Variants in CYP7A1 observed in about 807,000 individuals in gnomAD.
The protein encoded by CYP7A1 is cytochrome P450 family 7 subfamily A member 1.
CYP7A1 carries 28 observed loss-of-function variants against 43.8 expected under a neutral mutation model. The observed-to-expected ratio is 0.64, with a 90% CI of 0.47 to 0.88. CYP7A1 has a LOEUF of 0.88. Among genes scored for constraint, CYP7A1 ranks in the 40% least tolerant of loss-of-function variants. The pLI, the probability that CYP7A1 is intolerant of heterozygous loss-of-function variation, is 0.00. For missense variants in CYP7A1, 637 were observed against 611.9 expected, an observed-to-expected ratio of 1.04 and a Z score of -0.43; for synonymous variants, 227 against 222.5, an observed-to-expected ratio of 1.02 and a Z score of -0.18.
chr8:58,492,325 T>C, intron 5 of CYP7A1, 28 bp downstream of exon 5: 1 of 1,563,856 alleles, frequency 6.4e-7, no homozygotes, highest in South Asian at 1.1e-5. Context: ...ATCACCTGGA[T>C]ATTGAATTTC....
intron 3 of CYP7A1, among the ~76,000 whole-genome samples, chr8:58,495,533 A>G (rs1809428407): frequency 2.6e-5 from 4 of 152,184 alleles, no homozygotes; most frequent in Non-Finnish European, 5.9e-5. Flanking sequence ...CGGCCTGGTC[A>G]GGGCTTTTAT....
At chr8:58,494,908 G>A (rs540368103) in intron 3 of CYP7A1, among the ~76,000 whole-genome samples, 2 of 152,074 alleles carry the variant, frequency 1.3e-5, no homozygotes, top group Non-Finnish European at 2.9e-5. Flanking sequence ...GGCCGAGGCG[G>A]GCGGATCATG....
rs762092457 is a variant in CYP7A1, at chr8:58,491,649, T to C, written c.1341A>G (p.Arg447=). 3 of 1,614,050 alleles carry C rather than the reference T, an allele frequency of 1.9e-6. No individual in the cohort carries two copies. The change falls in exon 6 of 6, where the codon AGA becomes AGG. Residue 447 remains arginine (R), a synonymous_variant. Coordinates refer to ENST00000301645, the MANE Select transcript of CYP7A1 (RefSeq NM_000780.4). ...GCTTGATTTCGTGGATAGCGAACAA[T>C]CTTCCAGGACATATTGTAGCTCCCG... ...FGSGATICPG[R]LFAIHEIKQF...
Position 58,494,497 on chromosome 8 carries a change from T to C in CYP7A1, c.1039+9A>G. On this transcript the variant is annotated intron_variant, in intron 4 of 5. Coordinates refer to ENST00000301645, the MANE Select transcript of CYP7A1 (RefSeq NM_000780.4). Reference sequence around the variant, plus strand: ...AGAAAATGAAACTCAACATAACAAGTATACCCACCTAATACTGGCAGGTCA... The same window carrying C: ...AGAAAATGAAACTCAACATAACAAGCATACCCACCTAATACTGGCAGGTCA... 1 of 1,613,670 alleles carries C rather than the reference T, an allele frequency of 6.2e-7. No homozygotes were observed. Among genetic ancestry groups the C allele is most frequent in the Non-Finnish European group, 8.5e-7 (1 of 1,179,640 alleles).
chr8:58,496,498 T>C, intron 3 of CYP7A1, 106 bp downstream of exon 3: 1 of 818,998 alleles, frequency 1.2e-6, no homozygotes, highest in Non-Finnish European at 2.0e-6. Context: ...CGTTCTTGAT[T>C]GACGGCATGA....
At chr8:58,493,483 C>A (rs1171546029) in intron 4 of CYP7A1, among the ~76,000 whole-genome samples, 6 of 152,152 alleles carry the variant, frequency 3.9e-5, no homozygotes, top group Non-Finnish European at 8.8e-5. Context: ...CCAGCCTGAC[C>A]TTTTAGCCGT....
In CYP7A1 at chr8:58,491,690, A is replaced by G. The variant is rs770804582; in HGVS notation, c.1300T>C (p.Tyr434His). The change falls in exon 6 of 6, where the codon TAC becomes CAC. Residue 434 changes from tyrosine (Y) to histidine (H), a missense_variant. Transcript: ENST00000301645. ...YCNGLKLKYYYMPFGSGATIC... is the reference protein window; with the variant it reads ...YCNGLKLKYYHMPFGSGATIC... The stretch of plus-strand genomic sequence containing the variant: ...GTAGCTCCCGATCCAAAGGGCATGT[A>G]GTAATACTTTAACTTGAGTCCATTA... The G allele has an allele frequency of 1.2e-6, 2 of 1,613,800 alleles. No homozygotes were observed. The highest frequency in any genetic ancestry group is 1.7e-6 in the Non-Finnish European group (2 of 1,179,664).
intron 3 of CYP7A1, among the ~76,000 whole-genome samples, chr8:58,495,360 G>T (rs191340181): frequency 0.016 from 2,369 of 151,750 alleles, 52 homozygotes; most frequent in East Asian, 0.11. Flanking sequence ...CGAGTAGCTG[G>T]GACTACAGGC....
In CYP7A1 at chr8:58,498,370, T is replaced by C. The variant is rs921237347; in HGVS notation, c.180A>G (p.Gln60=). The C allele has an allele frequency of 1.9e-6, 3 of 1,614,172 alleles. No homozygotes were observed. The highest frequency in any genetic ancestry group is 2.5e-6 in the Non-Finnish European group (3 of 1,180,018). The change falls in exon 2 of 6, where the codon CAA becomes CAG. Residue 60 remains glutamine, a synonymous_variant. Coordinates refer to ENST00000301645, the MANE Select transcript of CYP7A1 (RefSeq NM_000780.4). ...ANPLEFLRAN[Q]RKHGHVFTCK... ...AGGTAAAAACATGACCATGTTTCCT[T>C]TGATTTGCTCTGAGGAACTCAAGAG... is the stretch of plus-strand genomic sequence containing the variant.
chr8:58,497,111 T>A lies in CYP7A1; in HGVS notation c.401A>T (p.Gln134Leu), dbSNP rs1346619804. 6.2e-7 allele frequency: 1 copy of A among 1,600,230 alleles called. No homozygotes were observed. The highest frequency in any genetic ancestry group is 8.5e-7 in the Non-Finnish European group (1 of 1,179,948). ...NINDTFIKTLQGHALNSLTES... is the reference protein window; with the variant it reads ...NINDTFIKTLLGHALNSLTES... ...CGTGAGGGAATTCAAGGCATGGCCC[T>A]GCAGGGTTTTGATGAAAGTGTCGTT... is the stretch of plus-strand genomic sequence containing the variant. Residue 134 changes from glutamine to leucine, a missense_variant, in exon 3 of 6, where the codon CAG becomes CTG. By Grantham distance (113) the Gln-to-Leu change is moderately radical. Coordinates refer to ENST00000301645, the MANE Select transcript of CYP7A1 (RefSeq NM_000780.4).
At position 58,496,847 on chromosome 8, in the gene CYP7A1, C is replaced by T. The variant is rs1319185520; in HGVS notation, c.665G>A (p.Gly222Asp). The T allele has an allele frequency of 1.9e-6, 3 of 1,614,062 alleles. No individual in the cohort carries two copies. In the South Asian group the frequency reaches 3.3e-5, roughly 18 times the overall value. Residue 222 changes from glycine to aspartate, a missense_variant, in exon 3 of 6, where the codon GGC (glycine) becomes GAC (aspartate). Coordinates refer to ENST00000301645, the MANE Select transcript of CYP7A1 (RefSeq NM_000780.4). ...AGTCCTGAACATGTGAATGGGGAGGCCTGCTACCAGGGCTGGAAAGACTTT... is the reference window on the plus strand; with the variant it reads ...AGTCCTGAACATGTGAATGGGGAGGTCTGCTACCAGGGCTGGAAAGACTTT... ...FDKVFPALVA[G>D]LPIHMFRTAH...
At position 58,500,022 on chromosome 8, in the gene CYP7A1, C is replaced by A; in HGVS notation, c.77G>T (p.Arg26Ile). The change falls in exon 1 of 6, where the codon AGA (arginine) becomes ATA (isoleucine). Residue 26 changes from arginine to isoleucine, a missense_variant. Coordinates refer to ENST00000301645, the MANE Select transcript of CYP7A1 (RefSeq NM_000780.4). Reference sequence around the variant, plus strand: ...TTAAAGATAAAACATTACTTACCTTCTCCTAATTCCAAGAATAAGCCATAG... The same window carrying A: ...TTAAAGATAAAACATTACTTACCTTATCCTAATTCCAAGAATAAGCCATAG... Reference protein sequence around the residue: ...CCLWLILGIRRRQTGEPPLEN... With the variant: ...CCLWLILGIRIRQTGEPPLEN... 6.2e-7 allele frequency: 1 copy of A among 1,609,456 alleles called. No individual in the cohort carries two copies. Among genetic ancestry groups the A allele is most frequent in the Non-Finnish European group, 8.5e-7 (1 of 1,176,072 alleles).
intron 4 of CYP7A1, among the ~76,000 whole-genome samples, chr8:58,493,854 G>A (rs1032887240): frequency 5.3e-5 from 8 of 152,030 alleles, no homozygotes; most frequent in Non-Finnish European, 8.8e-5. Flanking sequence ...ACAAAAATTA[G>A]CCAGGGGTGG....
At position 58,500,067 on chromosome 8, in the gene CYP7A1, G is replaced by T; in HGVS notation, c.32C>A (p.Ala11Asp). 6.2e-7 allele frequency: 1 copy of T among 1,613,028 alleles called. No homozygotes were observed. The highest frequency in any genetic ancestry group is 8.5e-7 in the Non-Finnish European group (1 of 1,179,174). The part of the protein sequence containing the change: MMTTSLIWGI[A>D]IAACCCLWLI... ...CCATAGACAACAGCATGCTGCTATAGCAATCCCCCAAATCAAAGATGTGGT... is the reference window on the plus strand; with the variant it reads ...CCATAGACAACAGCATGCTGCTATATCAATCCCCCAAATCAAAGATGTGGT... The change falls in exon 1 of 6, where the codon GCT (alanine) becomes GAT (aspartate). Residue 11 changes from alanine (A) to aspartate (D), a missense_variant. By Grantham distance (126) the Ala-to-Asp change is moderately radical. Transcript: ENST00000301645.
At position 58,494,516 on chromosome 8, in the gene CYP7A1, C is replaced by G; in HGVS notation, c.1029G>C (p.Leu343=). The G allele has an allele frequency of 6.2e-7, 1 of 1,614,018 alleles. No individual in the cohort carries two copies. The highest frequency in any genetic ancestry group is 8.5e-7 in the Non-Finnish European group (1 of 1,179,932). ...AACAAGTATACCCACCTAATACTGG[C>G]AGGTCATTCAGTTCTGCTTGACTCA... ...ICLSQAELND[L]PVLDSIIKES... Residue 343 remains leucine, a synonymous_variant, in exon 4 of 6, where the codon CTG becomes CTC. Coordinates refer to ENST00000301645, the MANE Select transcript of CYP7A1 (RefSeq NM_000780.4).
At position 58,491,632 on chromosome 8, in the gene CYP7A1, T is replaced by G. The variant is rs769540638; in HGVS notation, c.1358A>C (p.Glu453Ala). The G allele has an allele frequency of 6.2e-7, 1 of 1,614,220 alleles. No individual in the cohort carries two copies. The highest frequency in any genetic ancestry group is 1.7e-5 in the Admixed American group (1 of 60,030). Residue 453 changes from glutamate to alanine, a missense_variant, in exon 6 of 6, where the codon GAA becomes GCA. Glu to Ala is a moderately radical substitution (Grantham distance 107). Coordinates refer to ENST00000301645, the MANE Select transcript of CYP7A1 (RefSeq NM_000780.4). ...CATCAGAATCAAAAATTGCTTGATTTCGTGGATAGCGAACAATCTTCCAGG... is the reference window on the plus strand; with the variant it reads ...CATCAGAATCAAAAATTGCTTGATTGCGTGGATAGCGAACAATCTTCCAGG... ...ICPGRLFAIH[E>A]IKQFLILMLS...
rs1014526226 is a variant in CYP7A1 at position 58,500,056 on chromosome 8, A to G, written c.43T>C (p.Cys15Arg). The G allele has an allele frequency of 2.5e-6, 4 of 1,613,000 alleles. No individual in the cohort carries two copies. Among genetic ancestry groups the G allele is most frequent in the Non-Finnish European group, 3.4e-6 (4 of 1,179,214 alleles). The change falls in exon 1 of 6, where the codon TGC becomes CGC. Residue 15 changes from cysteine to arginine, a missense_variant. Transcript: ENST00000301645. ...CCAAGAATAAGCCATAGACAACAGC[A>G]TGCTGCTATAGCAATCCCCCAAATC... ...SLIWGIAIAA[C>R]CCLWLILGIR...
rs1216658100 is a variant in CYP7A1, at chr8:58,500,108, C to G, written c.-10G>C. ...AAGATGTGGTCATCATTTTGCAAAT[C>G]TAGGCCAAAATCTCTGAGGAAGAAA... On this transcript the variant is annotated 5_prime_UTR_variant, in exon 1 of 6. Coordinates refer to ENST00000301645, the MANE Select transcript of CYP7A1 (RefSeq NM_000780.4). 1.2e-5 allele frequency: 20 copies of G among 1,610,488 alleles called. No homozygotes were observed. The highest frequency in any genetic ancestry group is 1.7e-5 in the Non-Finnish European group (20 of 1,176,918).
Position 58,498,162 on chromosome 8 carries a change from C to A in CYP7A1, c.321+67G>T, listed in dbSNP as rs1266524948. On this transcript the variant is annotated intron_variant, in intron 2 of 5. Coordinates refer to ENST00000301645, the MANE Select transcript of CYP7A1 (RefSeq NM_000780.4). ...ATAAAATCTAAGTACATCAAAATTT[C>A]TAAATAGACAAGCACATAAAAAGGT... 1.9e-6 allele frequency: 3 copies of A among 1,581,328 alleles called. No individual in the cohort carries two copies. In the African/African-American group the frequency reaches 4.1e-5, roughly 21 times the overall value.
Sources: gnomAD v4.1 joint callset for allele counts (sites outside exome capture counted in the v4.1 genomes callset) on GRCh38, gnomAD v4.1.1 for gene constraint, MANE v1.5 for transcripts, NCBI Gene and HGNC (gene_info 2026-07-23, HGNC 2026-07-21) for gene names.